Variants in HDAC9 observed in about 807,000 individuals in gnomAD.
The protein encoded by HDAC9 is histone deacetylase 9, also known as MEF-2 interacting transcription repressor (MITR) protein.
A neutral mutation model predicts 139.4 loss-of-function variants in HDAC9; 41 were observed. The observed-to-expected ratio is 0.29, with a 90% CI of 0.23 to 0.38. HDAC9 has a LOEUF of 0.38. Ranked by LOEUF, HDAC9 falls within the 10% of genes least tolerant of loss-of-function variation. The pLI, the probability that HDAC9 is intolerant of heterozygous loss-of-function variation, is 1.00. For synonymous variants in HDAC9, 517 were observed against 476.2 expected (o/e 1.09, Z -1.12); for missense variants, 1,147 against 1,297.0 (o/e 0.88, Z 1.78).
chr7:18,581,524 G>A (rs144158837), intron 2 of HDAC9, among the ~76,000 whole-genome samples: 1 of 152,198 alleles, frequency 6.6e-6, no homozygotes, highest in East Asian at 1.9e-4. Flanking sequence ...GAGGTTTGAT[G>A]TTTGTAGTTC....
In HDAC9 at chr7:18,868,612, A is replaced by T. The variant is rs1290249520; in HGVS notation, c.2685-5866A>T. Reference sequence around the variant, plus strand: ...TTTTTTCTACAGTTCCTGGCTCATAACTCCCATAGTTCTTGCTACAGTTTT... The same window carrying T: ...TTTTTTCTACAGTTCCTGGCTCATATCTCCCATAGTTCTTGCTACAGTTTT... On this transcript the variant is annotated intron_variant, in intron 21 of 25. Coordinates refer to ENST00000686413, the MANE Select transcript of HDAC9 (RefSeq NM_178425.4). 2.0e-5 allele frequency among the ~76,000 whole-genome samples: 3 copies of T among 151,996 alleles called. No homozygotes were observed. The East Asian group carries it at 5.8e-4, about 29-fold the overall frequency.
At chr7:18,154,386 T>G (rs1213695294) in intron 1 of HDAC9, among the ~76,000 whole-genome samples, 1 of 152,218 alleles carries the variant, frequency 6.6e-6, no homozygotes, top group Non-Finnish European at 1.5e-5. Context: ...TGAATAGTTG[T>G]GCTGCAGGAC....
chr7:18,280,191 C>T (rs1167236721), intron 2 of HDAC9, among the ~76,000 whole-genome samples: 1 of 152,134 alleles, frequency 6.6e-6, no homozygotes, highest in East Asian at 1.9e-4. Flanking sequence ...GTGGCTCACC[C>T]ATGTAATCCG....
At chr7:18,378,728 A>G (rs61434999) in intron 1 of HDAC9, among the ~76,000 whole-genome samples, 4,563 of 152,230 alleles carry the variant, frequency 0.03, 169 homozygotes, top group East Asian at 0.18. Flanking sequence ...TGGAGTAAAC[A>G]TACGCATTTT....
chr7:18,703,434 C>T (rs1196682294), intron 12 of HDAC9, among the ~76,000 whole-genome samples: 2 of 152,072 alleles, frequency 1.3e-5, no homozygotes, highest in Non-Finnish European at 2.9e-5. Flanking sequence ...GGTAAAATCT[C>T]ATTGGTGAAT....
chr7:18,819,113 C>G (rs146031492), intron 17 of HDAC9, among the ~76,000 whole-genome samples: 2,022 of 152,152 alleles, frequency 0.013, 49 homozygotes, highest in African/African-American at 0.046. Context: ...AACTCTGTCT[C>G]TACTAAAAAT....
chr7:18,579,147 A>G (rs1224889691), intron 2 of HDAC9, among the ~76,000 whole-genome samples: 1 of 152,228 alleles, frequency 6.6e-6, no homozygotes, highest in African/African-American at 2.4e-5. Flanking sequence ...AATGTAATTT[A>G]ATAGAACCAG....
chr7:18,891,896 T>G (rs147721251), intron 22 of HDAC9, among the ~76,000 whole-genome samples: 592 of 152,294 alleles, frequency 3.9e-3, no homozygotes, highest in Non-Finnish European at 6.1e-3. Context: ...GGGTGATCTA[T>G]TTGATTAGAT....
At chr7:18,685,224 G>A (rs904825034) in intron 12 of HDAC9, among the ~76,000 whole-genome samples, 1 of 152,010 alleles carries the variant, frequency 6.6e-6, no homozygotes, top group Non-Finnish European at 1.5e-5. Flanking sequence ...CTCATAAAAT[G>A]AAGTGTCATT....
intron 25 of HDAC9, among the ~76,000 whole-genome samples, chr7:18,989,638 C>T (rs1293765327): frequency 1.3e-5 from 2 of 151,172 alleles, no homozygotes; most frequent in East Asian, 3.9e-4. Context: ...GGATAATATC[C>T]TGCAGAGTGT....
chr7:18,371,487 T>C (rs1784588795), intron 1 of HDAC9, among the ~76,000 whole-genome samples: 5 of 152,174 alleles, frequency 3.3e-5, no homozygotes, highest in Non-Finnish European at 5.9e-5. Context: ...CATTCTAGTA[T>C]AAGATAGTCT....
intron 21 of HDAC9, among the ~76,000 whole-genome samples, chr7:18,874,209 G>A (rs1799145621): frequency 6.6e-6 from 1 of 151,048 alleles, no homozygotes; most frequent in Admixed American, 6.6e-5. Flanking sequence ...TAATATGATG[G>A]GCTTTAGAAT....
chr7:18,407,756 A>C (rs895947808), intron 1 of HDAC9, among the ~76,000 whole-genome samples: 2 of 152,140 alleles, frequency 1.3e-5, no homozygotes, highest in Non-Finnish European at 2.9e-5. Flanking sequence ...TTAAGACTGC[A>C]CTCCGGAGAC....
intron 6 of HDAC9, among the ~76,000 whole-genome samples, chr7:18,626,375 A>G (rs1011546970): frequency 6.6e-6 from 1 of 152,208 alleles, no homozygotes; most frequent in African/African-American, 2.4e-5. Flanking sequence ...GCAAAGAACT[A>G]GAGTGTTGCA....
chr7:18,991,377 ATG>A (rs1785930302), intron 25 of HDAC9, among the ~76,000 whole-genome samples: 1 of 152,224 alleles, frequency 6.6e-6, no homozygotes, highest in East Asian at 1.9e-4. Flanking sequence ...ACAGTGGCTC[ATG>A]CCTGTAATCC....
chr7:18,780,085 C>T (rs1307210863), intron 16 of HDAC9, among the ~76,000 whole-genome samples: 1 of 152,000 alleles, frequency 6.6e-6, no homozygotes, highest in African/African-American at 2.4e-5. Context: ...AGCTGAGATT[C>T]TGCATTTCTC....
intron 22 of HDAC9, among the ~76,000 whole-genome samples, chr7:18,887,500 G>A (rs1052497214): frequency 6.6e-6 from 1 of 152,130 alleles, no homozygotes; most frequent in East Asian, 1.9e-4. Context: ...AATCACGTGT[G>A]CTTTGGCTAA....
intron 12 of HDAC9, among the ~76,000 whole-genome samples, chr7:18,726,181 C>T (rs77479453): frequency 0.028 from 4,301 of 152,240 alleles, 62 homozygotes; most frequent in Middle Eastern, 0.044. Context: ...GCTACAATTA[C>T]GTAAAACCAC....
intron 2 of HDAC9, among the ~76,000 whole-genome samples, chr7:18,566,345 C>T (rs1311849659): frequency 1.3e-5 from 2 of 152,186 alleles, no homozygotes; most frequent in Non-Finnish European, 2.9e-5. Context: ...TCTATCATTT[C>T]TTATCTGGTA....
Sources: allele counts gnomAD v4.1 joint callset (sites outside exome capture counted in the v4.1 genomes callset), GRCh38; gene constraint gnomAD v4.1.1; transcripts MANE v1.5; gene names NCBI Gene and HGNC (gene_info 2026-07-23, HGNC 2026-07-21).